The following SHISA9 variants were observed in gnomAD, a reference collection of about 807,000 sequenced individuals.
SHISA9 encodes the protein protein shisa-9.
SHISA9 carries 13 observed loss-of-function variants against 38.0 expected under a neutral mutation model. The observed-to-expected ratio is 0.34, with a 90% CI of 0.22 to 0.54. SHISA9 has a LOEUF of 0.54. Ranked by LOEUF, SHISA9 falls within the 20% of genes least tolerant of loss-of-function variation. SHISA9 has a pLI of 0.91. For missense variants in SHISA9, 538 were observed against 575.8 expected, an observed-to-expected ratio of 0.93 and a Z score of 0.67; for synonymous variants, 275 against 242.0, an observed-to-expected ratio of 1.14 and a Z score of -1.27.
chr16:13,235,288 A>G lies in SHISA9; in HGVS notation c.1154A>G (p.Asn385Ser). The change falls in exon 5 of 5, where the codon AAC becomes AGC. Residue 385 changes from asparagine to serine, a missense_variant. By Grantham distance (46) the Asn-to-Ser change is conservative. Coordinates refer to ENST00000558583, the MANE Select transcript of SHISA9 (RefSeq NM_001145204.3). Reference sequence around the variant, plus strand: ...TCCCTCCGGCGGCAGGCTTACAGCAACAAGGGCAAGCTTGGCACGGCCGAG... The same window carrying G: ...TCCCTCCGGCGGCAGGCTTACAGCAGCAAGGGCAAGCTTGGCACGGCCGAG... ...EQSLRRQAYSNKGKLGTAETG... is the reference protein window; with the variant it reads ...EQSLRRQAYSSKGKLGTAETG... 9 of 1,551,588 alleles carry G rather than the reference A, an allele frequency of 5.8e-6. No individual in the cohort carries two copies. The highest frequency in any genetic ancestry group is 1.4e-5 in the African/African-American group (1 of 73,154).
chr16:13,257,522 C>T, the SHISA9 span, among the ~76,000 whole-genome samples: 3 of 152,152 alleles, frequency 2.0e-5, no homozygotes, highest in Non-Finnish European at 4.4e-5. Flanking sequence ...CTCTCTTGGC[C>T]TATGTGAGGC....
the SHISA9 span, among the ~76,000 whole-genome samples, chr16:13,488,124 T>A: frequency 2.6e-5 from 4 of 152,098 alleles, no homozygotes; most frequent in Admixed American, 2.6e-4. Flanking sequence ...GCCAGTGAAC[T>A]TGGCCTCCAC....
At position 12,916,608 on chromosome 16, in the gene SHISA9, C is replaced by T. The variant is rs898769485; in HGVS notation, c.564-80C>T. ...GGAGTAATCCGCCTTGCCATTTGTT[C>T]GCGACTGCAGTACTCGGCGCATAGC... On this transcript the variant is annotated intron_variant, in intron 1 of 4. Transcript: ENST00000558583. The T allele has an allele frequency of 4.1e-6, 6 of 1,454,338 alleles. No individual in the cohort carries two copies. The East Asian group carries it at 7.9e-5, about 19-fold the overall frequency. 90.1% of individuals were successfully genotyped at this position (1,454,338 alleles called of 1,614,324 possible). A position where few individuals can be genotyped will look rare whatever the true frequency, so the allele number is the denominator to read the frequency against.
rs568083617 is a variant in SHISA9, at chr16:12,948,348, C to T, written c.691+31533C>T. 6.2e-4 allele frequency among the ~76,000 whole-genome samples: 95 copies of T among 152,274 alleles called. 1 individual carries two copies. Among genetic ancestry groups the T allele is most frequent in the East Asian group, 4.3e-3 (22 of 5,172 alleles). On this transcript the variant is annotated intron_variant, in intron 2 of 4. Coordinates refer to ENST00000558583, the MANE Select transcript of SHISA9 (RefSeq NM_001145204.3). ...TCTCATCAGTAAAGGAGGACTTACT[C>T]ACCCTGGAAAAACTGGAAAATACAG...
At chr16:13,178,589 T>A (rs1250510040) in intron 2 of SHISA9, among the ~76,000 whole-genome samples, 1 of 152,164 alleles carries the variant, frequency 6.6e-6, no homozygotes, top group Non-Finnish European at 1.5e-5. Context: ...AGCTCCGAGA[T>A]GCTGGGAGAG....
Position 12,973,448 on chromosome 16 carries a change from G to C in SHISA9, c.691+56633G>C, listed in dbSNP as rs570813452. ...CATAAAGATATAGGCTACAGACTAC[G>C]CTAGTTAATTCCATTTGGGCAGTCA... is the stretch of plus-strand genomic sequence containing the variant. On this transcript the variant is annotated intron_variant, in intron 2 of 4. Coordinates refer to ENST00000558583, the MANE Select transcript of SHISA9 (RefSeq NM_001145204.3). 4.6e-5 allele frequency among the ~76,000 whole-genome samples: 7 copies of C among 152,260 alleles called. No individual in the cohort carries two copies. The South Asian group carries it at 6.2e-4, about 14-fold the overall frequency.
At chr16:12,925,133 T>G (rs1051861539) in intron 2 of SHISA9, among the ~76,000 whole-genome samples, 1 of 152,224 alleles carries the variant, frequency 6.6e-6, no homozygotes, top group Admixed American at 6.5e-5. Context: ...GTTTTCACTC[T>G]GCGTGCCAGT....
chr16:13,533,602 C>G, the SHISA9 span, among the ~76,000 whole-genome samples: 5 of 151,804 alleles, frequency 3.3e-5, no homozygotes, highest in Admixed American at 6.6e-5. Context: ...GGGACTAATT[C>G]TGACCTTCCC....
At chr16:13,008,595 C>G (rs997383292) in intron 2 of SHISA9, among the ~76,000 whole-genome samples, 1 of 150,970 alleles carries the variant, frequency 6.6e-6, no homozygotes, top group Non-Finnish European at 1.5e-5. Context: ...TCCGGTGCTT[C>G]CCCCTTTTTT....
At chr16:12,951,810 G>A (rs2071761106) in intron 2 of SHISA9, among the ~76,000 whole-genome samples, 1 of 152,198 alleles carries the variant, frequency 6.6e-6, no homozygotes, top group Non-Finnish European at 1.5e-5. Flanking sequence ...GTTAGGGGTT[G>A]CGGTGGAGCA....
chr16:13,272,086 A>T, the SHISA9 span, among the ~76,000 whole-genome samples: 1 of 137,686 alleles, frequency 7.3e-6, no homozygotes, highest in African/African-American at 2.5e-5. Flanking sequence ...TTAAAAAAAA[A>T]AAAAAAGAGA....
chr16:13,252,787 C>T, the SHISA9 span, among the ~76,000 whole-genome samples: 1 of 152,184 alleles, frequency 6.6e-6, no homozygotes, highest in African/African-American at 2.4e-5. Flanking sequence ...CCCATATGCC[C>T]TCCACCTACC....
chr16:12,902,047 C>A lies in SHISA9; in HGVS notation c.-18C>A. 1 of 1,453,742 alleles carries A rather than the reference C, an allele frequency of 6.9e-7. No homozygotes were observed. The highest frequency in any genetic ancestry group is 9.0e-7 in the Non-Finnish European group (1 of 1,110,074). The allele number at this position is 1,453,742 out of a possible 1,614,324, so 90.1% of individuals were successfully genotyped here. A position where few individuals can be genotyped will look rare whatever the true frequency, so the allele number is the denominator to read the frequency against. On this transcript the variant is annotated 5_prime_UTR_variant, in exon 1 of 5. Coordinates refer to ENST00000558583, the MANE Select transcript of SHISA9 (RefSeq NM_001145204.3). ...CTCCAGCGGCGGCCGAGCGGCCGAGCCCGGGCTGGGAGACACCATGCGCCG... is the reference window on the plus strand; with the variant it reads ...CTCCAGCGGCGGCCGAGCGGCCGAGACCGGGCTGGGAGACACCATGCGCCG...
At chr16:13,259,644 C>A in the SHISA9 span, among the ~76,000 whole-genome samples, 1 of 152,214 alleles carries the variant, frequency 6.6e-6, no homozygotes, top group Non-Finnish European at 1.5e-5. Context: ...TTTTTGACTT[C>A]TGTGTATCCA....
intron 2 of SHISA9, among the ~76,000 whole-genome samples, chr16:13,150,030 T>TAAAAA (rs35012437): frequency 1.5e-5 from 1 of 67,664 alleles, no homozygotes; most frequent in Non-Finnish European, 2.7e-5. Flanking sequence ...TCCTCATCAT[T>TAAAAA]AAAAAAAAAA....
the SHISA9 span, among the ~76,000 whole-genome samples, chr16:13,458,092 C>T: frequency 2.6e-5 from 4 of 152,092 alleles, no homozygotes; most frequent in East Asian, 7.7e-4. Flanking sequence ...CTATATTGAG[C>T]ACCTACCATA....
At chr16:13,561,507 G>T in the SHISA9 span, among the ~76,000 whole-genome samples, 4 of 152,342 alleles carry the variant, frequency 2.6e-5, no homozygotes, top group East Asian at 7.7e-4. Flanking sequence ...GTTGATAGCT[G>T]TCAGGAGGGA....
the SHISA9 span, among the ~76,000 whole-genome samples, chr16:13,303,445 A>T: frequency 6.6e-6 from 1 of 152,228 alleles, no homozygotes; most frequent in Non-Finnish European, 1.5e-5. Context: ...ATGTGGAGGA[A>T]CCTTGAAAAC....
the SHISA9 span, among the ~76,000 whole-genome samples, chr16:13,485,826 T>G: frequency 6.6e-6 from 1 of 152,216 alleles, no homozygotes; most frequent in African/African-American, 2.4e-5. Context: ...GTAACCAGCA[T>G]TCTACTCTCT....
Sources: allele counts gnomAD v4.1 joint callset (sites outside exome capture counted in the v4.1 genomes callset), GRCh38; gene constraint gnomAD v4.1.1; transcripts MANE v1.5; gene names NCBI Gene and HGNC (gene_info 2026-07-23, HGNC 2026-07-21).